The following PPP1R9A variants were observed in gnomAD, a reference collection of about 807,000 sequenced individuals.
PPP1R9A encodes protein phosphatase 1 regulatory subunit 9A.
In PPP1R9A, 59 loss-of-function variants were observed where a neutral mutation model predicts 141.9. That is an observed-to-expected ratio of 0.42 (90% confidence interval 0.34 to 0.52). The LOEUF (loss-of-function observed/expected upper bound fraction) is 0.52. Among genes scored for constraint, PPP1R9A ranks in the 20% least tolerant of loss-of-function variants. The pLI, the probability that PPP1R9A is intolerant of heterozygous loss-of-function variation, is 0.10. For synonymous variants in PPP1R9A, 500 were observed against 569.7 expected, an observed-to-expected ratio of 0.88 and a Z score of 1.74; for missense variants, 1,444 against 1,611.9, an observed-to-expected ratio of 0.90 and a Z score of 1.78.
chr7:95,126,003 C>T (rs1584826002), intron 4 of PPP1R9A, among the ~76,000 whole-genome samples: 1 of 152,066 alleles, frequency 6.6e-6, no homozygotes, highest in Non-Finnish European at 1.5e-5. Flanking sequence ...CTGTCATGGT[C>T]CCCTATTCGA....
intron 7 of PPP1R9A, among the ~76,000 whole-genome samples, chr7:95,211,246 A>T (rs1026235980): frequency 6.6e-6 from 1 of 152,190 alleles, no homozygotes; most frequent in Admixed American, 6.5e-5. Context: ...AGATGGGTCA[A>T]CTTGAACTCA....
At chr7:95,128,403 CT>C (rs1823955958) in intron 4 of PPP1R9A, among the ~76,000 whole-genome samples, 1 of 152,060 alleles carries the variant, frequency 6.6e-6, no homozygotes, top group African/African-American at 2.4e-5. Context: ...TTTGTAGATT[CT>C]GGGTATTCGA....
chr7:95,038,596 A>T (rs999708575), intron 2 of PPP1R9A, among the ~76,000 whole-genome samples: 2 of 152,112 alleles, frequency 1.3e-5, no homozygotes, highest in African/African-American at 4.8e-5. Context: ...TGCTGCAGCC[A>T]TGGGAGTAGG....
intron 2 of PPP1R9A, among the ~76,000 whole-genome samples, chr7:94,964,969 C>T (rs1057137269): frequency 5.3e-5 from 8 of 152,214 alleles, no homozygotes; most frequent in Admixed American, 4.6e-4. Flanking sequence ...TATTTCTCCA[C>T]ATCCTCTCCA....
chr7:95,290,333 C>A lies in PPP1R9A; in HGVS notation c.*30C>A, dbSNP rs777108459. 1 of 1,581,202 alleles carries A rather than the reference C, an allele frequency of 6.3e-7. No individual in the cohort carries two copies. Among genetic ancestry groups the A allele is most frequent in the Admixed American group, 1.8e-5 (1 of 55,022 alleles). ...TACCCTCTTACAGATGATGGAGATG[C>A]TCCAAGAGAAGTCCCCACCTCTTCC... On this transcript the variant is annotated 3_prime_UTR_variant, in exon 20 of 20. Coordinates refer to ENST00000433360, the MANE Select transcript of PPP1R9A (RefSeq NM_001166160.2).
chr7:94,962,641 G>C lies in PPP1R9A; in HGVS notation c.1395+51133G>C, dbSNP rs183050456. On this transcript the variant is annotated intron_variant, in intron 2 of 19. Coordinates refer to ENST00000433360, the MANE Select transcript of PPP1R9A (RefSeq NM_001166160.2). Reference sequence around the variant, plus strand: ...TCAAAAAACTCATGTTGAAAATTCAGATAAATAGCTAGCAAAATCACACAT... The same window carrying C: ...TCAAAAAACTCATGTTGAAAATTCACATAAATAGCTAGCAAAATCACACAT... Among the ~76,000 whole-genome samples the C allele has an allele frequency of 4.6e-3, 696 of 152,112 alleles. 6 individuals are homozygous for C. Among genetic ancestry groups the C allele is most frequent in the Non-Finnish European group, 8.2e-3 (557 of 67,976 alleles).
intron 2 of PPP1R9A, among the ~76,000 whole-genome samples, chr7:95,039,067 C>A (rs1335474167): frequency 6.6e-6 from 1 of 152,126 alleles, no homozygotes; most frequent in East Asian, 1.9e-4. Flanking sequence ...TCAACAAAAA[C>A]TTATAAGGCA....
chr7:95,023,226 A>T (rs1806261429), intron 2 of PPP1R9A, among the ~76,000 whole-genome samples: 1 of 152,084 alleles, frequency 6.6e-6, no homozygotes, highest in Admixed American at 6.6e-5. Context: ...TGTGTCGAGA[A>T]ATTTATTCAT....
chr7:95,287,240 C>T, intron 18 of PPP1R9A: 1 of 1,362,450 alleles, frequency 7.3e-7, no homozygotes. Flanking sequence ...GAATATCTTC[C>T]TCTGTAGTGA....
intron 5 of PPP1R9A, among the ~76,000 whole-genome samples, chr7:95,192,618 TAGTATACTCA>T (rs1422841528): frequency 6.6e-6 from 1 of 152,064 alleles, no homozygotes; most frequent in Non-Finnish European, 1.5e-5. Context: ...TTGTTCTGGT[TAGTATACTCA>T]TTTTACAACT....
intron 5 of PPP1R9A, among the ~76,000 whole-genome samples, chr7:95,173,025 C>CA (rs1832365391): frequency 6.6e-6 from 1 of 151,392 alleles, no homozygotes; most frequent in African/African-American, 2.4e-5. Context: ...AAATACAAAC[C>CA]AAAAAATGCC....
intron 2 of PPP1R9A, among the ~76,000 whole-genome samples, chr7:95,011,942 A>G (rs982120501): frequency 1.3e-5 from 2 of 152,222 alleles, no homozygotes; most frequent in African/African-American, 4.8e-5. Flanking sequence ...TTAATGATAT[A>G]TAAAATATTC....
chr7:94,975,919 A>G (rs1280803320), intron 2 of PPP1R9A, among the ~76,000 whole-genome samples: 1 of 152,162 alleles, frequency 6.6e-6, no homozygotes, highest in African/African-American at 2.4e-5. Flanking sequence ...AGTGATTACT[A>G]TTTTAGAAAG....
At chr7:95,226,282 G>C (rs539828362) in intron 8 of PPP1R9A, among the ~76,000 whole-genome samples, 166 bp downstream of exon 8, 1 of 152,084 alleles carries the variant, frequency 6.6e-6, no homozygotes, top group Non-Finnish European at 1.5e-5. Context: ...AGTAGATCTC[G>C]TTCCACGGTC....
chr7:95,249,553 T>C (rs1436110810), intron 9 of PPP1R9A, among the ~76,000 whole-genome samples: 1 of 152,160 alleles, frequency 6.6e-6, no homozygotes, highest in African/African-American at 2.4e-5. Flanking sequence ...AAATCCATGC[T>C]GAATGACTCC....
intron 2 of PPP1R9A, among the ~76,000 whole-genome samples, chr7:95,002,261 T>G (rs920388887): frequency 6.6e-6 from 1 of 152,198 alleles, no homozygotes; most frequent in Non-Finnish European, 1.5e-5. Flanking sequence ...TATTATAGAT[T>G]AGGATTTATT....
chr7:95,070,658 A>G (rs532808868), intron 2 of PPP1R9A, among the ~76,000 whole-genome samples: 13 of 134,746 alleles, frequency 9.6e-5, no homozygotes, highest in Middle Eastern at 4.1e-3. Context: ...ATGAAGTAAG[A>G]CTTTTGTCAG....
intron 4 of PPP1R9A, among the ~76,000 whole-genome samples, chr7:95,126,849 T>C (rs552654191): frequency 2.6e-5 from 4 of 152,116 alleles, no homozygotes; most frequent in Non-Finnish European, 4.4e-5. Context: ...ACCAGAAAAT[T>C]TTTCCCGTCA....
At chr7:94,986,257 T>C (rs1007148225) in intron 2 of PPP1R9A, among the ~76,000 whole-genome samples, 2 of 152,208 alleles carry the variant, frequency 1.3e-5, no homozygotes, top group African/African-American at 4.8e-5. Flanking sequence ...TCCACTTGAC[T>C]TCATGCTCTC....
Sources: gnomAD v4.1 joint callset for allele counts (sites outside exome capture counted in the v4.1 genomes callset) on GRCh38, gnomAD v4.1.1 for gene constraint, MANE v1.5 for transcripts, NCBI Gene and HGNC (gene_info 2026-07-23, HGNC 2026-07-21) for gene names.